The following AGBL1 variants were observed in gnomAD, a reference collection of about 807,000 sequenced individuals.
AGBL1 encodes AGBL carboxypeptidase 1.
In AGBL1, 130 loss-of-function variants were observed where a neutral mutation model predicts 118.9. The observed-to-expected ratio is 1.09, with a 90% CI of 0.95 to 1.26. The LOEUF (loss-of-function observed/expected upper bound fraction) is 1.26. Ranked by LOEUF, AGBL1 falls within the 50% of genes most tolerant of loss-of-function variation. AGBL1 has a pLI of 0.00. For synonymous variants in AGBL1, 555 were observed against 478.9 expected, an observed-to-expected ratio of 1.16 and a Z score of -2.08; for missense variants, 1,584 against 1,298.1, an observed-to-expected ratio of 1.22 and a Z score of -3.38.
rs140757619 is a variant in AGBL1 at position 86,422,365 on chromosome 15, G to C, written c.2555+24819G>C. ...AATGACTACTGGGTAAATAACAAAA[G>C]TAAGGCAGAAATAAAGAAATTCTCT... is the stretch of plus-strand genomic sequence containing the variant. On this transcript the variant is annotated intron_variant, in intron 18 of 22. Transcript: ENST00000614907. 5.3e-4 allele frequency among the ~76,000 whole-genome samples: 80 copies of C among 152,084 alleles called. 1 individual carries two copies. The highest frequency in any genetic ancestry group is 1.8e-3 in the African/African-American group (75 of 41,512).
At chr15:86,196,860 T>C (rs12148433) in intron 5 of AGBL1, among the ~76,000 whole-genome samples, 5,353 of 119,340 alleles carry the variant, frequency 0.045, 184 homozygotes, top group East Asian at 0.18. Context: ...TATGCGAATG[T>C]GCACATGTGC....
chr15:86,241,345 T>A (rs890280740), intron 6 of AGBL1, among the ~76,000 whole-genome samples: 2 of 152,158 alleles, frequency 1.3e-5, no homozygotes, highest in Admixed American at 1.3e-4. Context: ...TGCTGAGTTA[T>A]GTTTTCAGTT....
intron 22 of AGBL1, among the ~76,000 whole-genome samples, chr15:86,734,826 C>T (rs2077570414): frequency 6.6e-6 from 1 of 152,054 alleles, no homozygotes; most frequent in Non-Finnish European, 1.5e-5. Context: ...GATAAAAGAG[C>T]AAGCCTTTCC....
intron 1 of AGBL1, chr15:86,140,368 A>G (rs1220029560): frequency 6.6e-6 from 1 of 151,936 alleles, no homozygotes; most frequent in Admixed American, 6.6e-5. Flanking sequence ...GGGACTGAAG[A>G]AAGTGTAGGC....
At chr15:86,245,327 C>G (rs902068821) in intron 6 of AGBL1, among the ~76,000 whole-genome samples, 1 of 152,224 alleles carries the variant, frequency 6.6e-6, no homozygotes. Context: ...CTCATGGGCT[C>G]TCCCTCACAC....
intron 17 of AGBL1, among the ~76,000 whole-genome samples, chr15:86,346,651 G>A (rs1389202245): frequency 6.6e-6 from 1 of 152,104 alleles, no homozygotes; most frequent in Non-Finnish European, 1.5e-5. Context: ...GCCCGGCCAA[G>A]CTCATTCTTT....
intron 7 of AGBL1, among the ~76,000 whole-genome samples, chr15:86,249,440 A>G (rs577057127): frequency 2.0e-5 from 3 of 152,304 alleles, no homozygotes; most frequent in Non-Finnish European, 4.4e-5. Context: ...CTGCAAACCA[A>G]TATCTAACTC....
chr15:86,426,509 T>A (rs569334340), intron 18 of AGBL1, among the ~76,000 whole-genome samples: 4 of 152,322 alleles, frequency 2.6e-5, no homozygotes, highest in African/African-American at 9.6e-5. Context: ...TGGTCCTAAC[T>A]ACAAAGGTTC....
chr15:86,192,937 C>A (rs1421384284), intron 5 of AGBL1, among the ~76,000 whole-genome samples: 2 of 152,022 alleles, frequency 1.3e-5, no homozygotes, highest in South Asian at 4.1e-4. Flanking sequence ...CCATTTATTT[C>A]TATTGAAAGC....
At chr15:86,228,036 G>T (rs1452477078) in intron 6 of AGBL1, among the ~76,000 whole-genome samples, 1 of 152,176 alleles carries the variant, frequency 6.6e-6, no homozygotes, top group Admixed American at 6.5e-5. Context: ...TGCCGTCTTT[G>T]TTTTACCAGC....
intron 22 of AGBL1, among the ~76,000 whole-genome samples, chr15:86,699,450 T>C (rs1420356690): frequency 6.6e-6 from 1 of 152,094 alleles, no homozygotes; most frequent in African/African-American, 2.4e-5. Context: ...ACAAATACCT[T>C]GGCTACAGGA....
chr15:86,583,206 GT>G (rs1367053385), intron 21 of AGBL1, among the ~76,000 whole-genome samples: 2 of 151,864 alleles, frequency 1.3e-5, no homozygotes, highest in Admixed American at 6.6e-5. Context: ...GTGCAGGATT[GT>G]TACTTGAGTA....
intron 18 of AGBL1, among the ~76,000 whole-genome samples, chr15:86,505,250 T>C (rs920063206): frequency 2.0e-5 from 3 of 151,952 alleles, no homozygotes; most frequent in Non-Finnish European, 2.9e-5. Flanking sequence ...TTATCTTTCT[T>C]GGAGTTTGAT....
intron 5 of AGBL1, among the ~76,000 whole-genome samples, chr15:86,212,446 A>G (rs570969605): frequency 1.3e-5 from 2 of 152,306 alleles, no homozygotes; most frequent in East Asian, 3.9e-4. Flanking sequence ...AAAGTTTGCT[A>G]GCTGGGAAAG....
At chr15:86,104,153 C>A (rs1460366328) in intron 1 of AGBL1, among the ~76,000 whole-genome samples, 2 of 151,886 alleles carry the variant, frequency 1.3e-5, no homozygotes, top group African/African-American at 4.8e-5. Context: ...CAGGGTGAAC[C>A]CAAGGCTCCC....
chr15:86,686,500 T>C (rs1466021000), intron 22 of AGBL1, among the ~76,000 whole-genome samples: 1 of 146,712 alleles, frequency 6.8e-6, no homozygotes, highest in African/African-American at 2.5e-5. Flanking sequence ...TGCAATGGCA[T>C]GATCTCGGCT....
At chr15:86,922,298 GTTA>G (rs2080488996) in intron 23 of AGBL1, among the ~76,000 whole-genome samples, 1 of 152,268 alleles carries the variant, frequency 6.6e-6, no homozygotes, top group South Asian at 2.1e-4. Flanking sequence ...GAAACATGTT[GTTA>G]TTTTTCTCAG....
intron 22 of AGBL1, among the ~76,000 whole-genome samples, chr15:86,832,290 G>A (rs188127684): frequency 3.2e-4 from 49 of 152,276 alleles, no homozygotes; most frequent in African/African-American, 7.5e-4. Context: ...TTCTGCAGCC[G>A]GCTTGAATTT....
At chr15:86,336,311 A>G (rs1647368410) in intron 17 of AGBL1, among the ~76,000 whole-genome samples, 2 of 152,222 alleles carry the variant, frequency 1.3e-5, no homozygotes, top group African/African-American at 2.4e-5. Flanking sequence ...AGTCTTGAAC[A>G]TGCTTCAGTT....
Sources: gnomAD v4.1 joint callset for allele counts (sites outside exome capture counted in the v4.1 genomes callset) on GRCh38, gnomAD v4.1.1 for gene constraint, MANE v1.5 for transcripts, NCBI Gene and HGNC (gene_info 2026-07-23, HGNC 2026-07-21) for gene names.